DNAJC8: variants seen among roughly 807,000 people sequenced by gnomAD.
DNAJC8 encodes the protein dnaJ homolog subfamily C member 8.
Under a neutral mutation model 43.2 loss-of-function variants are expected in DNAJC8, and 24 were observed. That is an observed-to-expected ratio of 0.56 (90% confidence interval 0.40 to 0.78). The LOEUF is 0.78. Ranked by LOEUF, DNAJC8 falls within the 30% of genes least tolerant of loss-of-function variation. The pLI is 0.00. For missense variants in DNAJC8, 207 were observed against 299.4 expected (o/e 0.69, Z 2.28); for synonymous variants, 83 against 98.0 (o/e 0.85, Z 0.90).
intron 3 of DNAJC8, among the ~76,000 whole-genome samples, chr1:28,211,869 G>A (rs1237518615): frequency 6.6e-6 from 1 of 151,898 alleles, no homozygotes; most frequent in Non-Finnish European, 1.5e-5. Context: ...TATATAGTCA[G>A]TGTCTGCCAG....
At chr1:28,228,828 T>G in intron 2 of DNAJC8, 94 bp downstream of exon 2, 1 of 993,162 alleles carries the variant, frequency 1.0e-6, no homozygotes, top group Non-Finnish European at 1.5e-6. Context: ...ATCCTAACTA[T>G]GATATAAATT....
In DNAJC8 at chr1:28,200,803, C is replaced by T. The variant is rs1165837091; in HGVS notation, c.*445G>A. On this transcript the variant is annotated 3_prime_UTR_variant, in exon 9 of 9. Transcript: ENST00000263697. ...ATCTGGGCCTTCGAAGGGAGCACAC[C>T]CAGAAGCGAGCAACTGAAGCGAAGG... The T allele has an allele frequency of 2.7e-6, 1 of 377,192 alleles. No homozygotes were observed. The highest frequency in any genetic ancestry group is 5.2e-6 in the Non-Finnish European group (1 of 192,894). The allele number at this position is 377,192 out of a possible 1,614,324, so 23.4% of individuals were successfully genotyped here. A position where few individuals can be genotyped will look rare whatever the true frequency, so the allele number is the denominator to read the frequency against.
chr1:28,201,448 C>G, intron 8 of DNAJC8, 78 bp from the exon 9 acceptor site: 1 of 1,593,834 alleles, frequency 6.3e-7, no homozygotes, highest in Non-Finnish European at 8.5e-7. Flanking sequence ...CATCCACTCA[C>G]CCTCCTGTAG....
chr1:28,215,768 T>C (rs1448890602), intron 2 of DNAJC8, among the ~76,000 whole-genome samples: 1 of 152,042 alleles, frequency 6.6e-6, no homozygotes, highest in Admixed American at 6.6e-5. Context: ...AACTCCAGAC[T>C]TCAGGTGATC....
intron 6 of DNAJC8, among the ~76,000 whole-genome samples, chr1:28,207,504 C>T (rs1247159327): frequency 6.6e-6 from 1 of 151,402 alleles, no homozygotes; most frequent in Admixed American, 6.6e-5. Context: ...GGTGCAGTGG[C>T]GCGATCTTGG....
At chr1:28,204,985 T>C (rs1646759330) in intron 7 of DNAJC8, among the ~76,000 whole-genome samples, 1 of 152,296 alleles carries the variant, frequency 6.6e-6, no homozygotes, top group Non-Finnish European at 1.5e-5. Context: ...ATCGCACCAC[T>C]GCATTCCAGC....
chr1:28,216,571 G>C (rs184312332), intron 2 of DNAJC8, among the ~76,000 whole-genome samples: 1 of 151,946 alleles, frequency 6.6e-6, no homozygotes, highest in Non-Finnish European at 1.5e-5. Flanking sequence ...TTTGCTGTGT[G>C]TATTTGGGGA....
At chr1:28,223,106 A>G (rs528056460) in intron 2 of DNAJC8, among the ~76,000 whole-genome samples, 237 of 152,184 alleles carry the variant, frequency 1.6e-3, no homozygotes, top group African/African-American at 5.4e-3. Flanking sequence ...GAAGCCTGGT[A>G]TGGTGAGAAG....
intron 1 of DNAJC8, among the ~76,000 whole-genome samples, chr1:28,232,108 A>G (rs1646980320): frequency 6.7e-6 from 1 of 148,706 alleles, no homozygotes; most frequent in East Asian, 2.0e-4. Context: ...ACAGGGTCTC[A>G]CTCTCGCCAA....
At chr1:28,210,199 G>A in intron 4 of DNAJC8, 133 bp from the exon 5 acceptor site, 2 of 750,942 alleles carry the variant, frequency 2.7e-6, no homozygotes, top group Admixed American at 2.9e-5. Context: ...GTTAAACTAA[G>A]TTAAAAAAAA....
chr1:28,220,981 T>C (rs1646894295), intron 2 of DNAJC8, among the ~76,000 whole-genome samples: 1 of 151,932 alleles, frequency 6.6e-6, no homozygotes, highest in Non-Finnish European at 1.5e-5. Context: ...TGCTTAACTG[T>C]TGCATTCAGA....
intron 6 of DNAJC8, among the ~76,000 whole-genome samples, chr1:28,205,944 GA>G (rs1646765524): frequency 6.6e-6 from 1 of 152,110 alleles, no homozygotes; most frequent in Non-Finnish European, 1.5e-5. Flanking sequence ...AGCGTTTCAA[GA>G]GGCTAAGACA....
intron 2 of DNAJC8, among the ~76,000 whole-genome samples, chr1:28,221,776 T>A (rs540363245): frequency 6.6e-6 from 1 of 152,306 alleles, no homozygotes; most frequent in South Asian, 2.1e-4. Flanking sequence ...AAAAGTACTC[T>A]TCAATATTTA....
chr1:28,209,042 C>T (rs1646791128), intron 5 of DNAJC8, among the ~76,000 whole-genome samples: 1 of 152,104 alleles, frequency 6.6e-6, no homozygotes, highest in South Asian at 2.1e-4. Context: ...TCAGAAAGGC[C>T]CTACTGCCAC....
At chr1:28,205,746 A>G (rs1646764210) in intron 6 of DNAJC8, among the ~76,000 whole-genome samples, 1 of 152,096 alleles carries the variant, frequency 6.6e-6, no homozygotes, top group Non-Finnish European at 1.5e-5. Flanking sequence ...AAATTAGCCA[A>G]GCATGTTGGT....
chr1:28,217,469 A>T lies in DNAJC8; in HGVS notation c.181-2473T>A, dbSNP rs1164532250. ...AACCCCGTCTCTACTAAAAATACAA[A>T]ATTAGCCGGGCATGGTGGCGCATGA... On this transcript the variant is annotated intron_variant, in intron 2 of 8. Transcript: ENST00000263697. Among the ~76,000 whole-genome samples the T allele has an allele frequency of 3.9e-5, 6 of 152,164 alleles. No homozygotes were observed. The East Asian group carries it at 5.8e-4, about 15-fold the overall frequency.
chr1:28,220,959 C>G, intron 2 of DNAJC8, among the ~76,000 whole-genome samples: 1 of 151,982 alleles, frequency 6.6e-6, no homozygotes, highest in Non-Finnish European at 1.5e-5. Flanking sequence ...AATCATCACA[C>G]AGAAACAAAA....
At chr1:28,213,224 A>C (rs1257114864) in intron 3 of DNAJC8, among the ~76,000 whole-genome samples, 1 of 152,242 alleles carries the variant, frequency 6.6e-6, no homozygotes, top group African/African-American at 2.4e-5. Flanking sequence ...AGTCCATATT[A>C]ATGATTTATT....
rs114062482 is a variant in DNAJC8, at chr1:28,220,505, G to A, written c.181-5509C>T. On this transcript the variant is annotated intron_variant, in intron 2 of 8. Coordinates refer to ENST00000263697, the MANE Select transcript of DNAJC8 (RefSeq NM_014280.3). ...TACTTCTGTAGGCTGGGAAGTTCAA[G>A]GTTGAGTGGCCGTCATCAGGTAAGG... 6.2e-3 allele frequency among the ~76,000 whole-genome samples: 940 copies of A among 152,330 alleles called. 13 individuals carry two copies. Among genetic ancestry groups the A allele is most frequent in the African/African-American group, 0.021 (890 of 41,562 alleles).
Sources: allele counts gnomAD v4.1 joint callset (sites outside exome capture counted in the v4.1 genomes callset), GRCh38; gene constraint gnomAD v4.1.1; transcripts MANE v1.5; gene names NCBI Gene and HGNC (gene_info 2026-07-23, HGNC 2026-07-21).